Variants in WDFY2 observed in about 807,000 individuals in gnomAD.
The protein encoded by WDFY2 is WD repeat and FYVE domain-containing protein 2.
WDFY2 carries 36 observed loss-of-function variants against 56.4 expected under a neutral mutation model. That is an observed-to-expected ratio of 0.64 (90% CI 0.49 to 0.84). WDFY2 has a LOEUF of 0.84. WDFY2 is among the 40% of genes least tolerant of loss of function. The pLI is 0.00. For missense variants in WDFY2, 444 were observed against 512.2 expected (o/e 0.87, Z 1.29); for synonymous variants, 176 against 183.7 (o/e 0.96, Z 0.34).
chr13:51,703,478 A>G, intron 3 of WDFY2, 118 bp from the exon 4 acceptor site: 1 of 727,162 alleles, frequency 1.4e-6, no homozygotes, highest in South Asian at 1.7e-5. Flanking sequence ...TGATGGGCAA[A>G]ATACTAATGT....
intron 6 of WDFY2, among the ~76,000 whole-genome samples, chr13:51,734,976 C>T (rs902708955): frequency 6.6e-6 from 1 of 152,248 alleles, no homozygotes; most frequent in Non-Finnish European, 1.5e-5. Context: ...AGATATGTGT[C>T]TGCACTGCCT....
chr13:51,584,605 C>G lies in WDFY2; in HGVS notation c.-83C>G. The G allele has an allele frequency of 6.6e-7, 1 of 1,506,480 alleles. No homozygotes were observed. Among genetic ancestry groups the G allele is most frequent in the East Asian group, 2.4e-5 (1 of 42,122 alleles). 93.3% of individuals were successfully genotyped at this position (1,506,480 alleles called of 1,614,324 possible). A position where few individuals can be genotyped will look rare whatever the true frequency, so the allele number is the denominator to read the frequency against. On this transcript the variant is annotated 5_prime_UTR_variant, in exon 1 of 12. Transcript: ENST00000298125. ...CGGCCAGCCAGAGTCTCTGTCTCAA[C>G]CTGTGTCCGTGCTCCAGCAGTCTCC...
At chr13:51,702,957 A>C (rs1044678627) in intron 3 of WDFY2, among the ~76,000 whole-genome samples, 22 of 152,180 alleles carry the variant, frequency 1.4e-4, no homozygotes, top group African/African-American at 5.3e-4. Flanking sequence ...AACAACAGAC[A>C]CTTATGTGTC....
At chr13:51,616,423 A>G (rs1281872665) in intron 1 of WDFY2, among the ~76,000 whole-genome samples, 3 of 152,282 alleles carry the variant, frequency 2.0e-5, no homozygotes, top group Middle Eastern at 3.4e-3. Flanking sequence ...CTTTTTTTCA[A>G]TTACCTAGTA....
intron 5 of WDFY2, among the ~76,000 whole-genome samples, chr13:51,721,409 C>T (rs17075900): frequency 0.011 from 1,621 of 152,210 alleles, 24 homozygotes; most frequent in African/African-American, 0.036. Flanking sequence ...CCTCAGGAAG[C>T]TAACTTTTTA....
intron 1 of WDFY2, among the ~76,000 whole-genome samples, chr13:51,611,790 A>G (rs532936834): frequency 6.6e-6 from 1 of 152,306 alleles, no homozygotes; most frequent in East Asian, 1.9e-4. Context: ...TCTGCTGGTC[A>G]TAAGGAAGGA....
chr13:51,689,539 A>G (rs529447098), intron 3 of WDFY2, among the ~76,000 whole-genome samples: 1 of 152,264 alleles, frequency 6.6e-6, no homozygotes, highest in African/African-American at 2.4e-5. Flanking sequence ...AGTATGACAT[A>G]TGCCCATCTT....
chr13:51,602,062 T>A (rs1954295733), intron 1 of WDFY2, among the ~76,000 whole-genome samples: 1 of 152,242 alleles, frequency 6.6e-6, no homozygotes, highest in Non-Finnish European at 1.5e-5. Context: ...TAGGAAAAGC[T>A]ATGCATTTAT....
intron 1 of WDFY2, among the ~76,000 whole-genome samples, chr13:51,635,747 G>A (rs762506348): frequency 6.6e-6 from 1 of 152,132 alleles, no homozygotes; most frequent in Non-Finnish European, 1.5e-5. Context: ...TCTCTTACTC[G>A]TAGTACTTTT....
chr13:51,637,456 C>T (rs1955074847), intron 1 of WDFY2, among the ~76,000 whole-genome samples: 1 of 151,532 alleles, frequency 6.6e-6, no homozygotes, highest in East Asian at 1.9e-4. Context: ...TCACTCACTA[C>T]CCTTTTAGTT....
chr13:51,666,771 TTTGGTTTTA>T (rs1239938322), intron 2 of WDFY2, among the ~76,000 whole-genome samples: 11 of 152,210 alleles, frequency 7.2e-5, no homozygotes, highest in African/African-American at 2.7e-4. Flanking sequence ...ATTTGTATTG[TTTGGTTTTA>T]TTGGTTTTAT....
intron 3 of WDFY2, among the ~76,000 whole-genome samples, chr13:51,693,749 T>A (rs1951799553): frequency 6.6e-6 from 1 of 152,108 alleles, no homozygotes; most frequent in South Asian, 2.1e-4. Flanking sequence ...GTTAACTTTC[T>A]GTCTCGTTGA....
chr13:51,636,451 A>T (rs1158064959), intron 1 of WDFY2, among the ~76,000 whole-genome samples: 1 of 152,222 alleles, frequency 6.6e-6, no homozygotes, highest in East Asian at 1.9e-4. Flanking sequence ...TTGAGGCATG[A>T]TGGAGAACAG....
intron 6 of WDFY2, among the ~76,000 whole-genome samples, chr13:51,729,692 A>G (rs2138661033): frequency 6.6e-6 from 1 of 152,244 alleles, no homozygotes; most frequent in Non-Finnish European, 1.5e-5. Context: ...ATTCTTCTCA[A>G]TTTATTAATA....
At chr13:51,671,455 C>T (rs1212331465) in intron 2 of WDFY2, among the ~76,000 whole-genome samples, 1 of 152,040 alleles carries the variant, frequency 6.6e-6, no homozygotes, top group Non-Finnish European at 1.5e-5. Flanking sequence ...TTTGCATTTC[C>T]CTGATCATTA....
intron 1 of WDFY2, among the ~76,000 whole-genome samples, chr13:51,648,647 T>TC (rs59101670): frequency 0.051 from 7,689 of 152,094 alleles, 242 homozygotes; most frequent in Middle Eastern, 0.085. Context: ...TGAGGATGGG[T>TC]CAGTAGGTAC....
chr13:51,744,916 T>G (rs1471134719), intron 7 of WDFY2, among the ~76,000 whole-genome samples: 8 of 152,180 alleles, frequency 5.3e-5, no homozygotes, highest in Non-Finnish European at 8.8e-5. Flanking sequence ...AATCCCTAAA[T>G]CAAGAAGTCC....
chr13:51,707,554 T>C (rs1952109809), intron 4 of WDFY2, among the ~76,000 whole-genome samples: 1 of 152,210 alleles, frequency 6.6e-6, no homozygotes, highest in South Asian at 2.1e-4. Flanking sequence ...AAGCATTTTT[T>C]TGGACACACA....
chr13:51,739,163 T>C lies in WDFY2; in HGVS notation c.713T>C (p.Leu238Pro). ...GGGAGAAAAGGAACAGCCATCGAGC[T>C]CCAAGGACACAAGTAAGGTTGCTGG... ...IGGRKGTAIE[L>P]QGHNDRVQAL... is the part of the protein sequence containing the mutation. Residue 238 changes from leucine (L) to proline (P), a missense_variant, in exon 7 of 12, where the codon CTC (leucine) becomes CCC (proline). Transcript: ENST00000298125. 6.3e-7 allele frequency: 1 copy of C among 1,590,122 alleles called. No homozygotes were observed. Among genetic ancestry groups the C allele is most frequent in the Non-Finnish European group, 8.6e-7 (1 of 1,168,692 alleles).
Sources: gnomAD v4.1 joint callset for allele counts (sites outside exome capture counted in the v4.1 genomes callset) on GRCh38, gnomAD v4.1.1 for gene constraint, MANE v1.5 for transcripts, NCBI Gene and HGNC (gene_info 2026-07-23, HGNC 2026-07-21) for gene names.